Variants in ARL5C observed in about 807,000 individuals in gnomAD.
ARL5C encodes the protein ARF like GTPase 5C.
In ARL5C, 21 loss-of-function variants were observed where a neutral mutation model predicts 20.8. The ratio of observed to expected loss-of-function variants is 1.01; its 90% CI spans 0.72 to 1.46. ARL5C has a LOEUF of 1.46. ARL5C is among the 40% of genes most tolerant of loss of function. The pLI, the probability that ARL5C is intolerant of heterozygous loss-of-function variation, is 0.00. For synonymous variants in ARL5C, 71 were observed against 81.6 expected, an observed-to-expected ratio of 0.87 and a Z score of 0.70; for missense variants, 199 against 225.1, an observed-to-expected ratio of 0.88 and a Z score of 0.74.
Position 39,164,995 on chromosome 17 carries a change from G to C in ARL5C, c.107+84C>G, listed in dbSNP as rs980335904. 5 of 1,414,916 alleles carry C rather than the reference G, an allele frequency of 3.5e-6. No homozygotes were observed. The East Asian group carries it at 1.2e-4, about 35-fold the overall frequency. 87.6% of individuals were successfully genotyped at this position (1,414,916 alleles called of 1,614,324 possible). A position where few individuals can be genotyped will look rare whatever the true frequency, so the allele number is the denominator to read the frequency against. ...CTACAGAGGAGCCCGGGAACCCAGG[G>C]AAGAGCTCCAGTGATTGGTCCCCCT... On this transcript the variant is annotated intron_variant, in intron 2 of 5. Transcript: ENST00000269586.
chr17:39,160,885 G>T, intron 4 of ARL5C, 143 bp from the exon 5 acceptor site: 1 of 940,266 alleles, frequency 1.1e-6, no homozygotes, highest in Non-Finnish European at 1.5e-6. Flanking sequence ...TGGGGGCCCT[G>T]CCACAATGGT....
At chr17:39,160,337 AAAGAG>A in intron 5 of ARL5C, 1 of 401,808 alleles carries the variant, frequency 2.5e-6, no homozygotes, top group South Asian at 3.5e-5. Flanking sequence ...AAAAAAAAAA[AAAGAG>A]AGAGAGATTA....
At chr17:39,161,880 C>T (rs1047714024) in intron 3 of ARL5C, among the ~76,000 whole-genome samples, 27 of 152,150 alleles carry the variant, frequency 1.8e-4, no homozygotes, top group African/African-American at 6.3e-4. Context: ...AGAGGCTGTG[C>T]TACATAAGCA....
chr17:39,158,128 G>GAA (rs1320239798), intron 5 of ARL5C, among the ~76,000 whole-genome samples: 18 of 111,468 alleles, frequency 1.6e-4, no homozygotes, highest in African/African-American at 3.3e-4. Context: ...AGGGAGGGAG[G>GAA]GAGGAAGGAA....
chr17:39,157,312 G>A (rs2045410048), intron 5 of ARL5C, among the ~76,000 whole-genome samples: 1 of 152,192 alleles, frequency 6.6e-6, no homozygotes, highest in East Asian at 1.9e-4. Flanking sequence ...TCACCTTGCT[G>A]GGCCCCTTAG....
At chr17:39,160,183 C>A (rs748293058) in intron 5 of ARL5C, 18 of 158,128 alleles carry the variant, frequency 1.1e-4, no homozygotes, top group Non-Finnish European at 8.3e-5. Context: ...ATTAGCCAGG[C>A]GTGGTGGCGG....
At chr17:39,165,242 G>A (rs2045456932) in intron 1 of ARL5C, 103 bp from the exon 2 acceptor site, 1 of 1,181,644 alleles carries the variant, frequency 8.5e-7, no homozygotes, top group African/African-American at 1.5e-5. Flanking sequence ...CTCCCCGCAG[G>A]CTGGGGACCT....
rs534499004 is a variant in ARL5C, at chr17:39,165,550, G to A, written c.46+165C>T. On this transcript the variant is annotated intron_variant, in intron 1 of 5. Coordinates refer to ENST00000269586, the MANE Select transcript of ARL5C (RefSeq NM_001143968.1). ...CGCACCGAAGCGCCGGGACCCAAGA[G>A]GAGCAGGCAGGGACGGGGGCAGGGG... The A allele has an allele frequency of 2.8e-5, 22 of 788,366 alleles. No individual in the cohort carries two copies. In the East Asian group the frequency reaches 5.7e-4, roughly 20 times the overall value. The allele number at this position is 788,366 out of a possible 1,614,324, so 48.8% of individuals were successfully genotyped here. A position where few individuals can be genotyped will look rare whatever the true frequency, so the allele number is the denominator to read the frequency against.
intron 5 of ARL5C, among the ~76,000 whole-genome samples, chr17:39,158,020 C>T (rs1209365008): frequency 6.6e-6 from 1 of 150,542 alleles, no homozygotes; most frequent in Non-Finnish European, 1.5e-5. Context: ...ATGGCGTGAA[C>T]CTGGGAGGCA....
At chr17:39,162,968 C>G in intron 2 of ARL5C, 110 bp from the exon 3 acceptor site, 1 of 1,321,200 alleles carries the variant, frequency 7.6e-7, no homozygotes, top group South Asian at 1.5e-5. Context: ...ACAAGTCCAC[C>G]CAGGTTCACC....
chr17:39,157,946 A>C (rs1398530258), intron 5 of ARL5C, among the ~76,000 whole-genome samples: 1 of 151,220 alleles, frequency 6.6e-6, no homozygotes, highest in African/African-American at 2.4e-5. Context: ...ACAAAAAAAA[A>C]AATTAACCGG....
rs2045462541 is a variant in ARL5C at position 39,166,112 on chromosome 17, C to G, written c.-352G>C. On this transcript the variant is annotated 5_prime_UTR_variant, in exon 1 of 6. Coordinates refer to ENST00000269586, the MANE Select transcript of ARL5C (RefSeq NM_001143968.1). ...GGGAGACTCAGCACTGCGCGCGGAACCGGATCCCAGCTCTCCCTCCTCTGA... is the reference window on the plus strand; with the variant it reads ...GGGAGACTCAGCACTGCGCGCGGAAGCGGATCCCAGCTCTCCCTCCTCTGA... 1 of 306,720 alleles carries G rather than the reference C, an allele frequency of 3.3e-6. No homozygotes were observed. Among genetic ancestry groups the G allele is most frequent in the Non-Finnish European group, 6.3e-6 (1 of 159,426 alleles). The allele number at this position is 306,720 out of a possible 1,614,324, so 19.0% of individuals were successfully genotyped here.
At chr17:39,156,798 A>G (rs996587101), downstream of ARL5C, 29 of 1,412,228 alleles carry the variant, frequency 2.1e-5, no homozygotes, top group East Asian at 7.5e-5. Flanking sequence ...TGCTCCCACT[A>G]GAGAACCATA....
At chr17:39,156,828 C>T (rs2045408336), downstream of ARL5C, 1 of 1,533,392 alleles carries the variant, frequency 6.5e-7, no homozygotes, top group Non-Finnish European at 8.8e-7. Context: ...TAAATAGCCA[C>T]TTGATTTTCC....
At chr17:39,157,833 C>T (rs1260286569) in intron 5 of ARL5C, among the ~76,000 whole-genome samples, 1 of 151,028 alleles carries the variant, frequency 6.6e-6, no homozygotes, top group Admixed American at 6.6e-5. Context: ...GTGGCTCACG[C>T]CTGTAATCCC....
At chr17:39,160,529 T>G (rs1288745138) in intron 5 of ARL5C, 62 bp downstream of exon 5, 1 of 1,529,046 alleles carries the variant, frequency 6.5e-7, no homozygotes, top group South Asian at 1.2e-5. Flanking sequence ...AGAAGGGTTC[T>G]GATGGTCAGT....
chr17:39,161,298 C>T lies in ARL5C; in HGVS notation c.309G>A (p.Arg103=), dbSNP rs945580151. 1.9e-6 allele frequency: 3 copies of T among 1,551,732 alleles called. No individual in the cohort carries two copies. The African/African-American group carries it at 4.1e-5, about 21-fold the overall frequency. ...STDRDRLLTT[R]EELYKMLAHE... Reference sequence around the variant, plus strand: ...GGGCCAGCATTTTATATAGCTCCTCCCGAGTGGTCAGCAGCCGATCCCGGT... The same window carrying T: ...GGGCCAGCATTTTATATAGCTCCTCTCGAGTGGTCAGCAGCCGATCCCGGT... The change falls in exon 4 of 6, where the codon CGG becomes CGA. Residue 103 remains arginine (R), a synonymous_variant. Transcript: ENST00000269586.
chr17:39,157,044 G>T, intron 5 of ARL5C, 102 bp from the exon 6 acceptor site: 1 of 1,251,622 alleles, frequency 8.0e-7, no homozygotes, highest in Non-Finnish European at 1.1e-6. Flanking sequence ...AGGAACCAAA[G>T]TTACATCCAA....
At chr17:39,157,909 C>G (rs1479449893) in intron 5 of ARL5C, among the ~76,000 whole-genome samples, 3 of 150,604 alleles carry the variant, frequency 2.0e-5, no homozygotes, top group Non-Finnish European at 4.4e-5. Context: ...CTGGCTAACA[C>G]CATGAAACAC....
Sources: gnomAD v4.1 joint callset for allele counts (sites outside exome capture counted in the v4.1 genomes callset) on GRCh38, gnomAD v4.1.1 for gene constraint, MANE v1.5 for transcripts, NCBI Gene and HGNC (gene_info 2026-07-23, HGNC 2026-07-21) for gene names.